XRN2: variants seen among roughly 807,000 people sequenced by gnomAD.
XRN2 encodes the protein DHM1-like protein.
A neutral mutation model predicts 138.5 loss-of-function variants in XRN2; 44 were observed. The ratio of observed to expected loss-of-function variants is 0.32; its 90% CI spans 0.25 to 0.41. The LOEUF (loss-of-function observed/expected upper bound fraction) is 0.41. XRN2 is among the 10% of genes least tolerant of loss of function. The pLI is 1.00. For missense variants in XRN2, 937 were observed against 1,169.3 expected, an observed-to-expected ratio of 0.80 and a Z score of 2.90; for synonymous variants, 354 against 369.4, an observed-to-expected ratio of 0.96 and a Z score of 0.48.
At chr20:21,367,025 A>G (rs2038712587) in intron 26 of XRN2, among the ~76,000 whole-genome samples, 2 of 152,188 alleles carry the variant, frequency 1.3e-5, no homozygotes, top group African/African-American at 4.8e-5. Flanking sequence ...GTTAACCAAT[A>G]TATTGGTGTA....
At chr20:21,384,149 T>A (rs1464645981) in intron 28 of XRN2, among the ~76,000 whole-genome samples, 1 of 152,204 alleles carries the variant, frequency 6.6e-6, no homozygotes, top group African/African-American at 2.4e-5. Context: ...AGGAACATCC[T>A]CCCAACACAG....
intron 27 of XRN2, among the ~76,000 whole-genome samples, chr20:21,374,854 A>T (rs1220008048): frequency 6.6e-6 from 1 of 151,910 alleles, no homozygotes; most frequent in African/African-American, 2.4e-5. Flanking sequence ...GGTTATCGTT[A>T]GATTGTCGTC....
In XRN2 at chr20:21,381,977, T is replaced by G. The variant is rs760079474; in HGVS notation, c.2585-17T>G. ...ACTTTTAAAAATCTTCTTAACCCTT[T>G]CCTGTTTCTTTTTCAGATATGAGGC... On this transcript the variant is annotated splice_polypyrimidine_tract_variant and intron_variant, in intron 27 of 29. Coordinates refer to ENST00000377191, the MANE Select transcript of XRN2 (RefSeq NM_012255.5). 74 of 1,601,788 alleles carry G rather than the reference T, an allele frequency of 4.6e-5. No homozygotes were observed. Among genetic ancestry groups the G allele is most frequent in the Non-Finnish European group, 6.2e-5 (73 of 1,174,938 alleles).
chr20:21,333,669 A>G, intron 10 of XRN2, 35 bp from the exon 11 acceptor site: 1 of 1,614,028 alleles, frequency 6.2e-7, no homozygotes, highest in Non-Finnish European at 8.5e-7. Flanking sequence ...GGTGCCTTTG[A>G]TAGCTGTAAT....
In XRN2 at chr20:21,387,003, A is replaced by T. The variant is rs770676779; in HGVS notation, c.2784A>T (p.Arg928Ser). The change falls in exon 29 of 30, where the codon AGA becomes AGT. Residue 928 changes from arginine (R) to serine (S), a missense_variant. Arg to Ser is a moderately radical substitution (Grantham distance 110). Around this residue, in one of 6 missense-constraint regions of XRN2, gnomAD observed 372 missense variants for 414.4 expected, o/e 0.90. Transcript: ENST00000377191. ...YPPRRDDRGG[R>S]QGYPREGRKY... The stretch of plus-strand genomic sequence containing the variant: ...CCAGACGAGATGATCGTGGAGGGAG[A>T]CAGGTAAATGGTTGTGGGATGAAAA... 5.6e-6 allele frequency: 9 copies of T among 1,607,398 alleles called. No homozygotes were observed. The highest frequency in any genetic ancestry group is 1.3e-5 in the African/African-American group (1 of 74,914).
chr20:21,369,044 C>A (rs978535259), intron 27 of XRN2, among the ~76,000 whole-genome samples: 1 of 152,078 alleles, frequency 6.6e-6, no homozygotes, highest in African/African-American at 2.4e-5. Flanking sequence ...TAACCATCCT[C>A]CCCTCCCCAA....
chr20:21,360,708 C>T (rs1275687240), intron 24 of XRN2, among the ~76,000 whole-genome samples: 1 of 152,102 alleles, frequency 6.6e-6, no homozygotes, highest in Non-Finnish European at 1.5e-5. Flanking sequence ...TTTTAAGTAA[C>T]TATTTCTGCA....
At chr20:21,319,131 G>A (rs969027914) in intron 1 of XRN2, among the ~76,000 whole-genome samples, 2 of 152,074 alleles carry the variant, frequency 1.3e-5, no homozygotes, top group Non-Finnish European at 2.9e-5. Context: ...GTTATAAAAT[G>A]ACCCTCTTTA....
At chr20:21,365,392 T>C in intron 24 of XRN2, 29 bp from the exon 25 acceptor site, 1 of 1,602,882 alleles carries the variant, frequency 6.2e-7, no homozygotes, top group Non-Finnish European at 8.5e-7. Flanking sequence ...TATAATCAGA[T>C]CATTGAATTG....
intron 9 of XRN2, among the ~76,000 whole-genome samples, chr20:21,333,071 G>A (rs977715186): frequency 4.6e-5 from 7 of 152,062 alleles, no homozygotes; most frequent in African/African-American, 1.7e-4. Flanking sequence ...AGTGAAAAAA[G>A]AGATAAATAT....
chr20:21,347,805 G>A (rs924859056), intron 17 of XRN2, among the ~76,000 whole-genome samples: 1 of 152,168 alleles, frequency 6.6e-6, no homozygotes, highest in African/African-American at 2.4e-5. Flanking sequence ...ACTTGATGAT[G>A]ACAGCTCTAG....
Position 21,382,050 on chromosome 20 carries a change from T to C in XRN2, c.2641T>C (p.Phe881Leu). 1 of 1,524,802 alleles carries C rather than the reference T, an allele frequency of 6.6e-7. No homozygotes were observed. The highest frequency in any genetic ancestry group is 1.1e-5 in the South Asian group (1 of 87,192). 94.5% of individuals were successfully genotyped at this position (1,524,802 alleles called of 1,614,324 possible). A position where few individuals can be genotyped will look rare whatever the true frequency, so the allele number is the denominator to read the frequency against. The part of the protein sequence containing the change: ...GPPPLFQQQR[F>L]DRGVGAEPLL... ...TCCTCCCCTTTTCCAGCAGCAAAGG[T>C]TTGACAGGTAATATTAAAAGTAGAC... is the stretch of plus-strand genomic sequence containing the variant. The change falls in exon 28 of 30, where the codon TTT becomes CTT. Residue 881 changes from phenylalanine to leucine, a missense_variant. Phe to Leu is a conservative substitution (Grantham distance 22). This residue lies in a region of XRN2 where 372 missense variants were observed against 414.4 expected (regional missense o/e 0.90). Coordinates refer to ENST00000377191, the MANE Select transcript of XRN2 (RefSeq NM_012255.5).
intron 14 of XRN2, among the ~76,000 whole-genome samples, 198 bp from the exon 15 acceptor site, chr20:21,340,523 T>G (rs1407041911): frequency 6.6e-6 from 1 of 152,246 alleles, no homozygotes; most frequent in Non-Finnish European, 1.5e-5. Flanking sequence ...TATTATAGGC[T>G]ATTGTTTAGA....
intron 23 of XRN2, 111 bp downstream of exon 23, chr20:21,356,776 A>C: frequency 1.1e-6 from 1 of 940,282 alleles, no homozygotes; most frequent in Non-Finnish European, 1.6e-6. Flanking sequence ...AATTGTATTT[A>C]AAATAAGACA....
At chr20:21,387,453 C>G (rs2038948020) in intron 29 of XRN2, among the ~76,000 whole-genome samples, 1 of 152,216 alleles carries the variant, frequency 6.6e-6, no homozygotes, top group Non-Finnish European at 1.5e-5. Flanking sequence ...CTTGATTCAT[C>G]TGATATCCCT....
chr20:21,350,342 C>T (rs1037352169), intron 20 of XRN2, among the ~76,000 whole-genome samples: 2 of 151,852 alleles, frequency 1.3e-5, no homozygotes, highest in Admixed American at 1.3e-4. Context: ...CTGGCTAACA[C>T]AGTGAAACAC....
chr20:21,319,897 A>G (rs1242769131), intron 1 of XRN2, among the ~76,000 whole-genome samples: 1 of 152,212 alleles, frequency 6.6e-6, no homozygotes, highest in Non-Finnish European at 1.5e-5. Flanking sequence ...TTATAAGCTC[A>G]ACATTATACT....
chr20:21,385,780 T>C (rs1488305150), intron 28 of XRN2, among the ~76,000 whole-genome samples: 1 of 152,190 alleles, frequency 6.6e-6, no homozygotes, highest in East Asian at 1.9e-4. Context: ...AGCGCCGGGC[T>C]TTTTTCCCCT....
chr20:21,365,967 G>T (rs1358742234), intron 26 of XRN2, among the ~76,000 whole-genome samples: 1 of 100,434 alleles, frequency 1.0e-5, no homozygotes, highest in African/African-American at 4.0e-5. Flanking sequence ...TTACAGGAGT[G>T]AGCCACCGTG....
Sources: allele counts gnomAD v4.1 joint callset (sites outside exome capture counted in the v4.1 genomes callset), GRCh38; gene constraint gnomAD v4.1.1; regional missense constraint gnomAD v4.1.1; transcripts MANE v1.5; gene names NCBI Gene and HGNC (gene_info 2026-07-23, HGNC 2026-07-21).